Variants in LRRTM4 observed in about 807,000 individuals in gnomAD.
LRRTM4 encodes leucine rich repeat transmembrane neuronal 4.
Under a neutral mutation model 47.6 loss-of-function variants are expected in LRRTM4, and 25 were observed. The observed-to-expected ratio is 0.53, with a 90% CI of 0.38 to 0.73. The LOEUF (loss-of-function observed/expected upper bound fraction) is 0.73. Among genes scored for constraint, LRRTM4 ranks in the 30% least tolerant of loss-of-function variants. The pLI, the probability that LRRTM4 is intolerant of heterozygous loss-of-function variation, is 0.00. For synonymous variants in LRRTM4, 311 were observed against 269.5 expected (o/e 1.15, Z -1.51); for missense variants, 638 against 713.4 (o/e 0.89, Z 1.20).
At chr2:77,158,816 CATT>C (rs1483498447) in intron 3 of LRRTM4, among the ~76,000 whole-genome samples, 1 of 151,276 alleles carries the variant, frequency 6.6e-6, no homozygotes, top group Non-Finnish European at 1.5e-5. Flanking sequence ...CAGAACTATA[CATT>C]ATATTTCTAT....
chr2:76,923,997 C>T (rs1232076249), intron 3 of LRRTM4, among the ~76,000 whole-genome samples: 8 of 151,926 alleles, frequency 5.3e-5, no homozygotes, highest in Non-Finnish European at 8.8e-5. Flanking sequence ...CTTTTTTCAA[C>T]GGTGTTTTCA....
At chr2:76,834,907 A>T (rs1054375023) in intron 3 of LRRTM4, among the ~76,000 whole-genome samples, 1 of 152,170 alleles carries the variant, frequency 6.6e-6, no homozygotes, top group Non-Finnish European at 1.5e-5. Flanking sequence ...AGACTGGAAA[A>T]GTTTGATCTT....
At chr2:77,391,441 T>C (rs1291905266) in intron 3 of LRRTM4, among the ~76,000 whole-genome samples, 2 of 152,166 alleles carry the variant, frequency 1.3e-5, no homozygotes, top group East Asian at 3.9e-4. Context: ...TAAAATATCC[T>C]GGTTAGAAGT....
At chr2:76,946,468 G>A (rs1466217183) in intron 3 of LRRTM4, among the ~76,000 whole-genome samples, 7 of 151,602 alleles carry the variant, frequency 4.6e-5, no homozygotes, top group African/African-American at 9.7e-5. Context: ...CCAGTACTCC[G>A]ACTTGTGCTT....
intron 3 of LRRTM4, among the ~76,000 whole-genome samples, chr2:77,469,623 A>T (rs1677107861): frequency 6.6e-6 from 1 of 152,192 alleles, no homozygotes; most frequent in South Asian, 2.1e-4. Flanking sequence ...AAAAGATTTT[A>T]AGAAAGCGAG....
At chr2:76,852,484 C>T (rs1226565819) in intron 3 of LRRTM4, among the ~76,000 whole-genome samples, 2 of 152,284 alleles carry the variant, frequency 1.3e-5, no homozygotes, top group African/African-American at 4.8e-5. Flanking sequence ...CATCTACTTA[C>T]TTTTCTGAAT....
chr2:77,270,202 G>A (rs1163656600), intron 3 of LRRTM4, among the ~76,000 whole-genome samples: 2 of 152,082 alleles, frequency 1.3e-5, no homozygotes, highest in Non-Finnish European at 2.9e-5. Context: ...TTTAAGAAAG[G>A]AAGAGACAGC....
intron 3 of LRRTM4, among the ~76,000 whole-genome samples, chr2:77,184,997 G>T (rs1355341720): frequency 6.6e-6 from 1 of 151,708 alleles, no homozygotes; most frequent in African/African-American, 2.4e-5. Flanking sequence ...TCTACATATT[G>T]TATAGTATCA....
chr2:76,898,714 A>C (rs552296535), intron 3 of LRRTM4, among the ~76,000 whole-genome samples: 39 of 151,620 alleles, frequency 2.6e-4, no homozygotes, highest in African/African-American at 8.2e-4. Flanking sequence ...TTTATGGAAA[A>C]TATCTACTAT....
At chr2:76,805,941 C>T (rs898084041) in intron 3 of LRRTM4, among the ~76,000 whole-genome samples, 1 of 152,102 alleles carries the variant, frequency 6.6e-6, no homozygotes, top group Non-Finnish European at 1.5e-5. Context: ...TTATTGTGGT[C>T]TCACCTGATT....
intron 3 of LRRTM4, among the ~76,000 whole-genome samples, chr2:76,895,240 T>C (rs1056028031): frequency 1.3e-5 from 2 of 152,064 alleles, no homozygotes; most frequent in African/African-American, 4.8e-5. Flanking sequence ...CAATTTACCA[T>C]GAATAAAAGT....
At chr2:76,856,279 A>C (rs1019630969) in intron 3 of LRRTM4, among the ~76,000 whole-genome samples, 1 of 152,198 alleles carries the variant, frequency 6.6e-6, no homozygotes, top group African/African-American at 2.4e-5. Flanking sequence ...TTCGTCTCAG[A>C]AAAAGAGAGA....
intron 3 of LRRTM4, among the ~76,000 whole-genome samples, chr2:77,251,031 AG>A (rs1346208725): frequency 8.6e-5 from 13 of 151,850 alleles, no homozygotes; most frequent in Admixed American, 6.6e-4. Context: ...TGAACCTGGG[AG>A]GTGGAGGTTG....
Position 77,233,527 on chromosome 2 carries a change from T to C in LRRTM4, c.1551+284791A>G, listed in dbSNP as rs553724160. On this transcript the variant is annotated intron_variant, in intron 3 of 3. Coordinates refer to ENST00000409884, the MANE Select transcript of LRRTM4 (RefSeq NM_001134745.3). ...TGATGTTTTTATTTCTAAATATTAC[T>C]ATATTTTGTTTATTTAATTTTCTAC... 3.3e-5 allele frequency among the ~76,000 whole-genome samples: 5 copies of C among 152,304 alleles called. No individual in the cohort carries two copies. In the East Asian group the frequency reaches 9.7e-4, roughly 29 times the overall value.
chr2:77,097,508 C>T (rs1447468848), intron 3 of LRRTM4, among the ~76,000 whole-genome samples: 1 of 151,826 alleles, frequency 6.6e-6, no homozygotes, highest in African/African-American at 2.4e-5. Flanking sequence ...TTACAGATCA[C>T]AGTCACTGAA....
At chr2:76,779,212 T>C (rs1256490446) in intron 3 of LRRTM4, among the ~76,000 whole-genome samples, 2 of 151,882 alleles carry the variant, frequency 1.3e-5, no homozygotes, top group Non-Finnish European at 2.9e-5. Flanking sequence ...AGGTGTGGTG[T>C]GGTGCTGAAA....
chr2:77,460,165 T>C (rs1265618450), intron 3 of LRRTM4, among the ~76,000 whole-genome samples: 1 of 152,158 alleles, frequency 6.6e-6, no homozygotes, highest in Non-Finnish European at 1.5e-5. Flanking sequence ...ACATTTTGTA[T>C]GTGTTTAATA....
chr2:77,078,466 A>T (rs956808467), intron 3 of LRRTM4, among the ~76,000 whole-genome samples: 7 of 152,168 alleles, frequency 4.6e-5, no homozygotes, highest in East Asian at 3.9e-4. Flanking sequence ...CGATAAAGTG[A>T]CAAAACATAA....
chr2:77,518,280 C>A (rs750842196), intron 3 of LRRTM4, 38 bp downstream of exon 3: 1 of 1,523,868 alleles, frequency 6.6e-7, no homozygotes, highest in Non-Finnish European at 8.8e-7. Flanking sequence ...TCTCCTTCCC[C>A]GCAGTAGAAA....
Sources: gnomAD v4.1 joint callset for allele counts (sites outside exome capture counted in the v4.1 genomes callset) on GRCh38, gnomAD v4.1.1 for gene constraint, MANE v1.5 for transcripts, NCBI Gene and HGNC (gene_info 2026-07-23, HGNC 2026-07-21) for gene names.